FAXDC2: variants seen among roughly 807,000 people sequenced by gnomAD.
FAXDC2 encodes fatty acid hydroxylase domain-containing protein 2.
In FAXDC2, 41 loss-of-function variants were observed where a neutral mutation model predicts 40.9. The observed-to-expected ratio is 1.00, with a 90% CI of 0.78 to 1.30. FAXDC2 has a LOEUF of 1.30. FAXDC2 is among the 50% of genes most tolerant of loss of function. The probability of loss-of-function intolerance (pLI) is 0.00; values close to 1 mark genes in which losing one functional copy is unlikely to be tolerated. For missense variants in FAXDC2, 390 were observed against 408.8 expected (o/e 0.95, Z 0.40); for synonymous variants, 157 against 149.3 (o/e 1.05, Z -0.38).
chr5:154,835,466 T>C (rs1760317576), intron 2 of FAXDC2, among the ~76,000 whole-genome samples: 1 of 152,200 alleles, frequency 6.6e-6, no homozygotes, highest in South Asian at 2.1e-4. Context: ...GATGAGGAAA[T>C]CCTTTCCCAG....
At chr5:154,833,197 T>A (rs986372237) in intron 4 of FAXDC2, among the ~76,000 whole-genome samples, 1 of 138,896 alleles carries the variant, frequency 7.2e-6, no homozygotes, top group African/African-American at 2.7e-5. Context: ...CCACCACGCC[T>A]GGCTCATTTT....
intron 5 of FAXDC2, chr5:154,824,739 C>T: frequency 3.5e-6 from 2 of 574,748 alleles, no homozygotes; most frequent in Non-Finnish European, 3.1e-6. Flanking sequence ...AGATTCCTGC[C>T]CCCATGGAAT....
At chr5:154,822,660 AC>A in intron 6 of FAXDC2, 83 bp from the exon 7 acceptor site, 1 of 1,023,008 alleles carries the variant, frequency 9.8e-7, no homozygotes, top group Non-Finnish European at 1.5e-6. Context: ...AAAAATAGGA[AC>A]TAGGGGTTAC....
At chr5:154,823,235 A>G in intron 6 of FAXDC2, 152 bp downstream of exon 6, 2 of 668,668 alleles carry the variant, frequency 3.0e-6, no homozygotes, top group South Asian at 3.8e-5. Flanking sequence ...GCTAGTCTCA[A>G]ACTCCTGGGC....
rs578154845 is a variant in FAXDC2, at chr5:154,825,521, G to A, written c.367-1929C>T. 7.9e-4 allele frequency among the ~76,000 whole-genome samples: 119 copies of A among 151,470 alleles called. 1 individual carries two copies. The highest frequency in any genetic ancestry group is 2.8e-3 in the African/African-American group (115 of 41,284). On this transcript the variant is annotated intron_variant, in intron 5 of 8. Coordinates refer to ENST00000326080, the MANE Select transcript of FAXDC2 (RefSeq NM_032385.5). ...AAAATACAAAAATTAGCCAGGCATG[G>A]TAGTGTGCGCCTGTAATCCCAGCTA...
intron 1 of FAXDC2, among the ~76,000 whole-genome samples, chr5:154,847,576 C>T (rs1760630504): frequency 6.6e-6 from 1 of 150,670 alleles, no homozygotes; most frequent in Non-Finnish European, 1.5e-5. Flanking sequence ...CAGCCTCTGC[C>T]TCCCGGGTTC....
rs1178371199 is a variant in FAXDC2, at chr5:154,838,150, T to C, written c.29A>G (p.His10Arg). 2 of 1,613,458 alleles carry C rather than the reference T, an allele frequency of 1.2e-6. No homozygotes were observed. Among genetic ancestry groups the C allele is most frequent in the African/African-American group, 1.3e-5 (1 of 74,888 alleles). MKGEAGHML[H>R]NEKSKQEGHI... ...ATTTACCTGCTTTGACTTTTCATTG[T>C]GTAGCATATGTCCAGCTTCTCCTTT... Residue 10 changes from histidine to arginine, a missense_variant, in exon 2 of 9, where the codon CAC becomes CGC. His to Arg is a conservative substitution (Grantham distance 29). Coordinates refer to ENST00000326080, the MANE Select transcript of FAXDC2 (RefSeq NM_032385.5).
At chr5:154,843,803 T>C (rs1363826684) in intron 1 of FAXDC2, among the ~76,000 whole-genome samples, 1 of 152,240 alleles carries the variant, frequency 6.6e-6, no homozygotes, top group African/African-American at 2.4e-5. Context: ...GTATACTTTT[T>C]ATGAGGATAT....
At chr5:154,826,058 T>G (rs757066643) in intron 5 of FAXDC2, among the ~76,000 whole-genome samples, 3 of 152,112 alleles carry the variant, frequency 2.0e-5, no homozygotes, top group East Asian at 1.9e-4. Flanking sequence ...GCTAGAGAGA[T>G]AAATGTGTGA....
intron 5 of FAXDC2, among the ~76,000 whole-genome samples, chr5:154,830,162 A>G (rs1156959276): frequency 1.3e-5 from 2 of 152,190 alleles, no homozygotes; most frequent in Admixed American, 1.3e-4. Flanking sequence ...TTCAGAATCA[A>G]CTTCTTCCTT....
At chr5:154,821,487 T>C (rs1157765372) in intron 7 of FAXDC2, 61 bp from the exon 8 acceptor site, 1 of 1,376,566 alleles carries the variant, frequency 7.3e-7, no homozygotes, top group East Asian at 2.5e-5. Context: ...TAGTTGGGTA[T>C]ACACTTAGTC....
intron 1 of FAXDC2, among the ~76,000 whole-genome samples, chr5:154,844,280 G>T (rs573886745): frequency 1.3e-5 from 2 of 150,906 alleles, no homozygotes; most frequent in Admixed American, 6.6e-5. Flanking sequence ...AAATTAAAAA[G>T]ATTAGGTGGG....
chr5:154,849,279 C>G (rs1324411575), intron 1 of FAXDC2, among the ~76,000 whole-genome samples: 2 of 151,328 alleles, frequency 1.3e-5, no homozygotes. Context: ...GATTCCATCT[C>G]AAAAAACAAA....
rs1240446220 is a variant in FAXDC2 at position 154,822,490 on chromosome 5, G to A, written c.660C>T (p.Ala220=). ...TAPIGVISLY[A]HPIEHAVSNM... is the part of the protein sequence containing the mutation. ...TACTCACTGCATGCTCTATAGGGTG[G>A]GCATAGAGAGAGATCACGCCAATGG... The change falls in exon 7 of 9, where the codon GCC becomes GCT. Residue 220 remains alanine, a synonymous_variant. Transcript: ENST00000326080. The A allele has an allele frequency of 6.2e-7, 1 of 1,611,934 alleles. No homozygotes were observed. Among genetic ancestry groups the A allele is most frequent in the Admixed American group, 1.7e-5 (1 of 60,018 alleles).
At chr5:154,837,622 A>G (rs1760382138) in intron 2 of FAXDC2, among the ~76,000 whole-genome samples, 1 of 152,176 alleles carries the variant, frequency 6.6e-6, no homozygotes, top group African/African-American at 2.4e-5. Flanking sequence ...TCAGTTTCAC[A>G]TACAGGATTA....
intron 2 of FAXDC2, among the ~76,000 whole-genome samples, chr5:154,837,128 T>A (rs1366222609): frequency 6.6e-6 from 1 of 152,072 alleles, no homozygotes; most frequent in East Asian, 1.9e-4. Context: ...TCATTTTTCA[T>A]GGGCAGGGAT....
chr5:154,824,179 T>C (rs1759962164), intron 5 of FAXDC2: 2 of 329,538 alleles, frequency 6.1e-6, no homozygotes, highest in African/African-American at 4.2e-5. Context: ...TGCCCAAGCA[T>C]TTCCACCAGG....
intron 1 of FAXDC2, among the ~76,000 whole-genome samples, chr5:154,844,414 C>T (rs1256621556): frequency 6.6e-6 from 1 of 150,752 alleles, no homozygotes; most frequent in Non-Finnish European, 1.5e-5. Flanking sequence ...GAAACAAGTA[C>T]ATATAGAGAC....
rs1760272184 is a variant in FAXDC2 at position 154,834,620 on chromosome 5, C to G, written c.244+5G>C. 1.9e-5 allele frequency: 31 copies of G among 1,600,122 alleles called. No individual in the cohort carries two copies. The highest frequency in any genetic ancestry group is 2.7e-5 in the Non-Finnish European group (31 of 1,167,236). On this transcript the variant is annotated splice_donor_5th_base_variant and intron_variant, in intron 4 of 8. Transcript: ENST00000326080. ...TGCTAGGTGCTGGTGGTCTGGGAAC[C>G]TCACCTATAAAGAAGAGGATCCACT... is the stretch of plus-strand genomic sequence containing the variant.
Sources: allele counts gnomAD v4.1 joint callset (sites outside exome capture counted in the v4.1 genomes callset), GRCh38; gene constraint gnomAD v4.1.1; transcripts MANE v1.5; gene names NCBI Gene and HGNC (gene_info 2026-07-23, HGNC 2026-07-21).